Variants in RNFT2 observed in about 807,000 individuals in gnomAD.
The protein encoded by RNFT2 is ring finger protein, transmembrane 2, also known as E3 ubiquitin-protein ligase RNFT2.
Under a neutral mutation model 53.0 loss-of-function variants are expected in RNFT2, and 36 were observed. That is an observed-to-expected ratio of 0.68 (90% confidence interval 0.52 to 0.90). The LOEUF (loss-of-function observed/expected upper bound fraction) is 0.90, where lower values mean the gene tolerates loss of function less well. RNFT2 is among the 40% of genes least tolerant of loss of function. The pLI, the probability that RNFT2 is intolerant of heterozygous loss-of-function variation, is 0.00. For synonymous variants in RNFT2, 260 were observed against 253.2 expected, an observed-to-expected ratio of 1.03 and a Z score of -0.26; for missense variants, 514 against 585.6, an observed-to-expected ratio of 0.88 and a Z score of 1.26.
intron 7 of RNFT2, among the ~76,000 whole-genome samples, chr12:116,797,900 A>G (rs35844275): frequency 0.012 from 1,834 of 152,304 alleles, 18 homozygotes; most frequent in Non-Finnish European, 0.019. Context: ...ATGGTCATGG[A>G]AAGCGGTGGT....
intron 5 of RNFT2, among the ~76,000 whole-genome samples, chr12:116,762,814 G>A (rs71469777): frequency 5.5e-4 from 84 of 152,258 alleles, no homozygotes; most frequent in Non-Finnish European, 1.1e-3. Flanking sequence ...GTTTCACCAC[G>A]TTGGCCAGGC....
chr12:116,827,231 A>AAAAAG (rs995513686), intron 7 of RNFT2, among the ~76,000 whole-genome samples: 1 of 147,648 alleles, frequency 6.8e-6, no homozygotes, highest in Non-Finnish European at 1.5e-5. Flanking sequence ...AAAAAAAAAA[A>AAAAAG]AAAGAAAGAA....
At chr12:116,811,092 C>G (rs1356148704) in intron 7 of RNFT2, among the ~76,000 whole-genome samples, 1 of 152,116 alleles carries the variant, frequency 6.6e-6, no homozygotes, top group Non-Finnish European at 1.5e-5. Context: ...GTTTCCTCAT[C>G]TGTAAAAAAG....
At chr12:116,787,696 G>A (rs1290921685) in intron 7 of RNFT2, among the ~76,000 whole-genome samples, 1 of 146,554 alleles carries the variant, frequency 6.8e-6, no homozygotes, top group East Asian at 2.0e-4. Context: ...CTGGGCAATA[G>A]AGGGACATGT....
At chr12:116,743,805 T>C (rs1163631243) in intron 3 of RNFT2, among the ~76,000 whole-genome samples, 2 of 152,132 alleles carry the variant, frequency 1.3e-5, no homozygotes, top group Non-Finnish European at 2.9e-5. Flanking sequence ...CTGCCTGTTC[T>C]GCAGGGAAGA....
In RNFT2 at chr12:116,817,612, C is replaced by A. The variant is rs563114928; in HGVS notation, c.883-16180C>A. 1.1e-4 allele frequency among the ~76,000 whole-genome samples: 16 copies of A among 152,328 alleles called. 1 individual carries two copies. The East Asian group carries it at 2.9e-3, about 28-fold the overall frequency. Reference sequence around the variant, plus strand: ...CACTACTGATTGGGAAACCAGAATGCCAAACTTGTCACTACTGTAGTACAC... The same window carrying A: ...CACTACTGATTGGGAAACCAGAATGACAAACTTGTCACTACTGTAGTACAC... On this transcript the variant is annotated intron_variant, in intron 7 of 10. Transcript: ENST00000257575.
chr12:116,739,015 A>C (rs1368679625), intron 1 of RNFT2, among the ~76,000 whole-genome samples: 1 of 152,196 alleles, frequency 6.6e-6, no homozygotes, highest in African/African-American at 2.4e-5. Flanking sequence ...CAAAAGAGAA[A>C]GGAGGCTTCA....
At chr12:116,829,154 G>A (rs1876502506) in intron 7 of RNFT2, among the ~76,000 whole-genome samples, 1 of 152,114 alleles carries the variant, frequency 6.6e-6, no homozygotes, top group Non-Finnish European at 1.5e-5. Context: ...GAGGGTGGGT[G>A]GTTCAGGGAA....
At chr12:116,809,278 G>A (rs370907212) in intron 7 of RNFT2, among the ~76,000 whole-genome samples, 9 of 152,254 alleles carry the variant, frequency 5.9e-5, no homozygotes, top group Admixed American at 1.3e-4. Context: ...CAGAGGTTGC[G>A]TTTGAACTCG....
intron 7 of RNFT2, among the ~76,000 whole-genome samples, chr12:116,823,689 AT>A (rs1482875505): frequency 1.3e-5 from 2 of 152,230 alleles, no homozygotes; most frequent in South Asian, 2.1e-4. Context: ...TCTAAAAAAA[AT>A]AATAATAATA....
chr12:116,828,123 C>T (rs551065721), intron 7 of RNFT2, among the ~76,000 whole-genome samples: 2 of 152,300 alleles, frequency 1.3e-5, no homozygotes, highest in South Asian at 2.1e-4. Context: ...ACCAAGATGG[C>T]GCTCAGACCA....
At position 116,772,486 on chromosome 12, in the gene RNFT2, T is replaced by C. The variant is rs182047421; in HGVS notation, c.728+5572T>C. ...CACGCCCGGCTGATTTTTGTATTTTTAGTAGAGACAGAGTTTCACCATATT... is the reference window on the plus strand; with the variant it reads ...CACGCCCGGCTGATTTTTGTATTTTCAGTAGAGACAGAGTTTCACCATATT... On this transcript the variant is annotated intron_variant, in intron 6 of 10. Coordinates refer to ENST00000257575, the MANE Select transcript of RNFT2 (RefSeq NM_001382266.1). Among the ~76,000 whole-genome samples the C allele has an allele frequency of 7.9e-5, 12 of 152,012 alleles. No homozygotes were observed. In the East Asian group the frequency reaches 2.0e-3, roughly 25 times the overall value.
chr12:116,743,231 A>AAAAAAAAAAAAAAAAAAAAAAAAAT (rs1566066739), intron 3 of RNFT2, among the ~76,000 whole-genome samples: 1 of 123,188 alleles, frequency 8.1e-6, no homozygotes, highest in Non-Finnish European at 1.7e-5. Context: ...AAAAAAAAAA[A>AAAAAAAAAAAAAAAAAAAAAAAAAT]AAAAAAAAAA....
At chr12:116,822,098 G>T (rs1876068145) in intron 7 of RNFT2, among the ~76,000 whole-genome samples, 1 of 152,050 alleles carries the variant, frequency 6.6e-6, no homozygotes, top group East Asian at 1.9e-4. Context: ...GCCTCCCAAA[G>T]TGCTGGAGTT....
chr12:116,783,743 C>T (rs944002080), intron 7 of RNFT2, among the ~76,000 whole-genome samples: 2 of 152,252 alleles, frequency 1.3e-5, no homozygotes, highest in African/African-American at 4.8e-5. Context: ...TGGCTCTCCA[C>T]AGCCAGCCAG....
intron 7 of RNFT2, among the ~76,000 whole-genome samples, chr12:116,798,022 C>G (rs764065101): frequency 3.9e-5 from 6 of 152,090 alleles, no homozygotes; most frequent in African/African-American, 1.4e-4. Flanking sequence ...TCAACTTGGC[C>G]CCATATCTGA....
intron 10 of RNFT2, among the ~76,000 whole-genome samples, chr12:116,841,078 T>C (rs1195184816): frequency 6.6e-6 from 1 of 152,196 alleles, no homozygotes; most frequent in Non-Finnish European, 1.5e-5. Flanking sequence ...CAGTTATCAA[T>C]TGCTGTATAA....
intron 8 of RNFT2, among the ~76,000 whole-genome samples, chr12:116,835,050 A>G (rs542202290): frequency 6.6e-6 from 1 of 152,112 alleles, no homozygotes; most frequent in African/African-American, 2.4e-5. Flanking sequence ...GTGTTTTACC[A>G]TGTTGGCCAG....
intron 6 of RNFT2, among the ~76,000 whole-genome samples, chr12:116,770,678 C>T (rs1468003283): frequency 1.3e-5 from 2 of 152,106 alleles, no homozygotes; most frequent in African/African-American, 2.4e-5. Context: ...CCACCTCAGA[C>T]TCCCAAGTAG....
Sources: allele counts gnomAD v4.1 joint callset (sites outside exome capture counted in the v4.1 genomes callset), GRCh38; gene constraint gnomAD v4.1.1; transcripts MANE v1.5; gene names NCBI Gene and HGNC (gene_info 2026-07-23, HGNC 2026-07-21).